CLASP1: variants seen among roughly 807,000 people sequenced by gnomAD.
CLASP1 encodes the protein CLIP-associating protein 1.
In CLASP1, 38 loss-of-function variants were observed where a neutral mutation model predicts 192.3. The ratio of observed to expected loss-of-function variants is 0.20; its 90% CI spans 0.15 to 0.26. CLASP1 has a LOEUF of 0.26. CLASP1 is among the 10% of genes least tolerant of loss of function. The pLI, the probability that CLASP1 is intolerant of heterozygous loss-of-function variation, is 1.00. For missense variants in CLASP1, 1,433 were observed against 1,932.5 expected (o/e 0.74, Z 4.85); for synonymous variants, 691 against 712.8 (o/e 0.97, Z 0.49).
chr2:121,641,503 G>T (rs1385841022), intron 1 of CLASP1, among the ~76,000 whole-genome samples: 1 of 152,132 alleles, frequency 6.6e-6, no homozygotes, highest in East Asian at 1.9e-4. Context: ...GTCCCACAAA[G>T]CAAAGGCTGC....
At chr2:121,363,254 C>T in exon 37 of CLASP1, 2 of 1,613,864 alleles carry the variant, frequency 1.2e-6, no homozygotes, top group Non-Finnish European at 1.7e-6. Context: ...TGGTTGATTT[C>T]TCAGAATTTC....
intron 1 of CLASP1, among the ~76,000 whole-genome samples, chr2:121,637,716 T>C (rs554936148): frequency 3.3e-5 from 5 of 152,052 alleles, no homozygotes; most frequent in African/African-American, 9.6e-5. Context: ...TGAAACTCCA[T>C]CTCTATGAAA....
chr2:121,623,297 T>C (rs369542504), intron 1 of CLASP1, among the ~76,000 whole-genome samples: 19 of 152,250 alleles, frequency 1.2e-4, no homozygotes, highest in East Asian at 7.7e-4. Context: ...GAGATGATCA[T>C]GTTGGTCTTG....
At chr2:121,616,503 T>C (rs1298929028) in intron 1 of CLASP1, among the ~76,000 whole-genome samples, 1 of 151,984 alleles carries the variant, frequency 6.6e-6, no homozygotes, top group African/African-American at 2.4e-5. Flanking sequence ...TTAAAGCCAA[T>C]AGGTTGATAA....
In CLASP1 at chr2:121,618,481, TAA is replaced by T. The variant is rs1366617762; in HGVS notation, c.-285-12303_-285-12302del. ...GATCACAGAACTGGTTCCCAACCTGTAAACATTGCTGATCCTCACTCCTGGGA... is the reference window on the plus strand; with the variant it reads ...GATCACAGAACTGGTTCCCAACCTGTACATTGCTGATCCTCACTCCTGGGA... On this transcript the variant is annotated intron_variant, in intron 1 of 39. Transcript: ENST00000263710. 6.6e-5 allele frequency among the ~76,000 whole-genome samples: 10 copies of T among 152,184 alleles called. No homozygotes were observed. The East Asian group carries it at 1.9e-3, about 29-fold the overall frequency.
At chr2:121,625,393 C>T (rs971420292) in intron 1 of CLASP1, among the ~76,000 whole-genome samples, 1 of 149,312 alleles carries the variant, frequency 6.7e-6, no homozygotes, top group African/African-American at 2.5e-5. Context: ...CACAAAGGAG[C>T]ATATATGCTA....
chr2:121,436,988 G>T (rs943387494), intron 19 of CLASP1, among the ~76,000 whole-genome samples: 3 of 151,854 alleles, frequency 2.0e-5, no homozygotes, highest in Admixed American at 1.3e-4. Context: ...TTCAGACAGG[G>T]TCTTGCTCTG....
intron 37 of CLASP1, among the ~76,000 whole-genome samples, chr2:121,360,693 TG>T (rs2066226785): frequency 6.6e-6 from 1 of 151,236 alleles, no homozygotes; most frequent in Admixed American, 6.6e-5. Flanking sequence ...CCTGGCAAAG[TG>T]ACAGAGTAAA....
chr2:121,521,665 G>A (rs985476824), intron 6 of CLASP1, among the ~76,000 whole-genome samples: 4 of 152,126 alleles, frequency 2.6e-5, no homozygotes, highest in Non-Finnish European at 4.4e-5. Context: ...CACTGCATTC[G>A]GACCACCAAG....
intron 8 of CLASP1, among the ~76,000 whole-genome samples, chr2:121,478,069 A>T (rs2091858397): frequency 6.6e-6 from 1 of 152,226 alleles, no homozygotes; most frequent in Non-Finnish European, 1.5e-5. Context: ...ATCTCTTATG[A>T]ACATTAAAAA....
intron 8 of CLASP1, among the ~76,000 whole-genome samples, chr2:121,499,942 T>C (rs1448610951): frequency 1.3e-5 from 2 of 152,210 alleles, no homozygotes; most frequent in Non-Finnish European, 2.9e-5. Context: ...GAGGATGTCC[T>C]GTCTCACCAC....
chr2:121,444,496 T>C (rs146694946), intron 19 of CLASP1, among the ~76,000 whole-genome samples: 15 of 152,268 alleles, frequency 9.9e-5, no homozygotes, highest in African/African-American at 2.4e-4. Context: ...GTCTGAATAA[T>C]TGACATTGAA....
At chr2:121,461,614 G>C (rs1254478812) in intron 10 of CLASP1, among the ~76,000 whole-genome samples, 1 of 152,122 alleles carries the variant, frequency 6.6e-6, no homozygotes. Context: ...GTAAGGTACA[G>C]GGTATAATCA....
At chr2:121,416,124 AG>A (rs906472592) in intron 23 of CLASP1, among the ~76,000 whole-genome samples, 1 of 152,240 alleles carries the variant, frequency 6.6e-6, no homozygotes, top group African/African-American at 2.4e-5. Flanking sequence ...CCTGATATGT[AG>A]GTTCCTTAAA....
intron 22 of CLASP1, among the ~76,000 whole-genome samples, chr2:121,421,145 TC>T (rs1434413334): frequency 6.6e-6 from 1 of 152,176 alleles, no homozygotes; most frequent in African/African-American, 2.4e-5. Flanking sequence ...AGTGGTGACA[TC>T]CATGGTTCAA....
At chr2:121,568,652 G>A (rs957038025) in intron 2 of CLASP1, among the ~76,000 whole-genome samples, 1 of 151,492 alleles carries the variant, frequency 6.6e-6, no homozygotes, top group South Asian at 2.1e-4. Flanking sequence ...CTCCTAAAAT[G>A]TACTAGATAT....
intron 2 of CLASP1, among the ~76,000 whole-genome samples, chr2:121,574,833 AGG>A: frequency 6.6e-6 from 1 of 151,658 alleles, no homozygotes; most frequent in African/African-American, 2.4e-5. Flanking sequence ...GCTACTCAGG[AGG>A]CTGAGGCAGC....
intron 30 of CLASP1, 108 bp from the exon 32 acceptor site, chr2:121,388,014 G>T: frequency 1.3e-6 from 1 of 784,876 alleles, no homozygotes; most frequent in Non-Finnish European, 1.9e-6. Context: ...TAATAAGAGG[G>T]CATTCTAGGC....
chr2:121,593,551 G>A (rs1357345432), intron 2 of CLASP1, among the ~76,000 whole-genome samples: 1 of 150,136 alleles, frequency 6.7e-6, no homozygotes, highest in Non-Finnish European at 1.5e-5. Context: ...CCGGGGAGGC[G>A]GAAGTTGCAG....
Sources: gnomAD v4.1 joint callset for allele counts (sites outside exome capture counted in the v4.1 genomes callset) on GRCh38, gnomAD v4.1.1 for gene constraint, MANE v1.5 for transcripts, NCBI Gene and HGNC (gene_info 2026-07-23, HGNC 2026-07-21) for gene names.